The following CLUAP1 variants were observed in gnomAD, a reference collection of about 807,000 sequenced individuals.
CLUAP1 encodes intraflagellar transport 38.
Under a neutral mutation model 55.0 loss-of-function variants are expected in CLUAP1, and 50 were observed. That is an observed-to-expected ratio of 0.91 (90% CI 0.72 to 1.15). The LOEUF is 1.15. Among genes scored for constraint, CLUAP1 ranks in the 50% most tolerant of loss-of-function variants. The pLI is 0.00. For synonymous variants in CLUAP1, 195 were observed against 175.4 expected (o/e 1.11, Z -0.88); for missense variants, 530 against 507.6 (o/e 1.04, Z -0.42).
chr16:3,532,822 G>A lies in CLUAP1; in HGVS notation c.1073G>A (p.Gly358Asp). 2 of 1,614,130 alleles carry A rather than the reference G, an allele frequency of 1.2e-6. No homozygotes were observed. Among genetic ancestry groups the A allele is most frequent in the Non-Finnish European group, 1.7e-6 (2 of 1,180,022 alleles). ...AAACGCATTGTGGGCACGATGCAAG[G>A]TGGAGACTCCGATGACAATGTAAGT... ...PGKRIVGTMQ[G>D]GDSDDNEDSE... The change falls in exon 11 of 12, where the codon GGT becomes GAT. Residue 358 changes from glycine (G) to aspartate (D), a missense_variant. Transcript: ENST00000576634.
Position 3,536,456 on chromosome 16 carries a change from G to T in CLUAP1, c.*185G>T. The stretch of plus-strand genomic sequence containing the variant: ...ATTCCATGAAGCTTAAATAAGAATT[G>T]AAGCAAATCCCTAAGATTTATTTTT... On this transcript the variant is annotated 3_prime_UTR_variant, in exon 12 of 12. Transcript: ENST00000576634. 1 of 559,908 alleles carries T rather than the reference G, an allele frequency of 1.8e-6. No individual in the cohort carries two copies. Among genetic ancestry groups the T allele is most frequent in the Non-Finnish European group, 3.0e-6 (1 of 330,122 alleles). 34.7% of individuals were successfully genotyped at this position (559,908 alleles called of 1,614,324 possible). A position where few individuals can be genotyped will look rare whatever the true frequency, so the allele number is the denominator to read the frequency against.
intron 4 of CLUAP1, among the ~76,000 whole-genome samples, chr16:3,512,075 A>G (rs8046072): frequency 0.17 from 26,105 of 151,964 alleles, 2,499 homozygotes; most frequent in South Asian, 0.29. Flanking sequence ...AATCCCAGCC[A>G]CTTGGGAGGC....
chr16:3,511,097 C>T (rs1365669337), intron 4 of CLUAP1, among the ~76,000 whole-genome samples: 3 of 152,124 alleles, frequency 2.0e-5, no homozygotes, highest in African/African-American at 7.2e-5. Flanking sequence ...GGATGTGCTG[C>T]TCGGAAGGGA....
At chr16:3,500,496 A>T (rs551534817), upstream of CLUAP1, among the ~76,000 whole-genome samples, 608 of 150,932 alleles carry the variant, frequency 4.0e-3, 7 homozygotes, top group Middle Eastern at 0.038. Flanking sequence ...CAGCCTCCCG[A>T]GTAGCTGGGA....
intron 3 of CLUAP1, among the ~76,000 whole-genome samples, chr16:3,506,926 G>A (rs2037517613): frequency 6.6e-6 from 1 of 152,074 alleles, no homozygotes; most frequent in South Asian, 2.1e-4. Context: ...GCCAGGTGTG[G>A]TGGCTCACGC....
At chr16:3,533,197 C>T (rs954318050) in intron 11 of CLUAP1, 11 of 1,506,734 alleles carry the variant, frequency 7.3e-6, no homozygotes, top group African/African-American at 2.8e-5. Context: ...GGGTGTCTGT[C>T]AGCCCTCCCG....
intron 8 of CLUAP1, 84 bp from the exon 9 acceptor site, chr16:3,526,328 A>C (rs2037941643): frequency 1.2e-6 from 1 of 810,556 alleles, no homozygotes; most frequent in East Asian, 3.2e-5. Context: ...GCACAAACTT[A>C]GCAGTCCTTA....
At chr16:3,516,685 A>G (rs1596392240) in intron 6 of CLUAP1, among the ~76,000 whole-genome samples, 1 of 152,214 alleles carries the variant, frequency 6.6e-6, no homozygotes, top group African/African-American at 2.4e-5. Context: ...CATTTAAGGA[A>G]TTACGTATAT....
chr16:3,520,310 T>C (rs2151057589), intron 7 of CLUAP1, among the ~76,000 whole-genome samples: 1 of 152,108 alleles, frequency 6.6e-6, no homozygotes, highest in Non-Finnish European at 1.5e-5. Context: ...AGGTTGAGGC[T>C]GCAGTGAGCT....
chr16:3,538,820 T>C lies in CLUAP1; in HGVS notation c.*2549T>C, dbSNP rs1014099109. On this transcript the variant is annotated 3_prime_UTR_variant, in exon 12 of 12. Coordinates refer to ENST00000576634, the MANE Select transcript of CLUAP1 (RefSeq NM_015041.3). ...CAGTCAATAGTGACCCATTGTAGAA[T>C]GGATGCAGGATTCACATGTGCAAGT... is the stretch of plus-strand genomic sequence containing the variant. 2 of 152,218 alleles carry C rather than the reference T, an allele frequency of 1.3e-5. No individual in the cohort carries two copies. The highest frequency in any genetic ancestry group is 1.3e-4 in the Admixed American group (2 of 15,282). The allele number at this position is 152,218 out of a possible 1,614,324, so 9.4% of individuals were successfully genotyped here.
At chr16:3,508,204 C>T in intron 3 of CLUAP1, 85 bp from the exon 4 acceptor site, 3 of 1,189,122 alleles carry the variant, frequency 2.5e-6, no homozygotes, top group Non-Finnish European at 3.6e-6. Flanking sequence ...TCAGCAGAGG[C>T]ATTTTCAACT....
At chr16:3,521,088 C>T (rs1271607509) in intron 7 of CLUAP1, among the ~76,000 whole-genome samples, 1 of 152,024 alleles carries the variant, frequency 6.6e-6, no homozygotes, top group East Asian at 1.9e-4. Context: ...CAGGGAGCGC[C>T]CTGGCTCCTC....
intron 1 of CLUAP1, among the ~76,000 whole-genome samples, chr16:3,503,435 T>C (rs987105280): frequency 2.0e-5 from 3 of 152,226 alleles, no homozygotes; most frequent in Non-Finnish European, 4.4e-5. Context: ...AGTGCTGGGA[T>C]TACAGGCGTG....
intron 7 of CLUAP1, among the ~76,000 whole-genome samples, chr16:3,522,225 G>T (rs948854515): frequency 2.0e-5 from 3 of 151,772 alleles, no homozygotes; most frequent in Non-Finnish European, 4.4e-5. Flanking sequence ...GTGCAGTGGC[G>T]CAATCTCGGC....
intron 4 of CLUAP1, among the ~76,000 whole-genome samples, chr16:3,512,093 G>A (rs539835143): frequency 6.6e-6 from 1 of 151,982 alleles, no homozygotes; most frequent in Non-Finnish European, 1.5e-5. Context: ...GGCTGAGGCA[G>A]GAAAATTACT....
upstream of CLUAP1, among the ~76,000 whole-genome samples, chr16:3,497,790 A>T (rs563159501): frequency 6.6e-6 from 1 of 152,112 alleles, no homozygotes; most frequent in East Asian, 1.9e-4. Context: ...GGCCTGGCTA[A>T]TTTTTTAATT....
chr16:3,523,155 T>C lies in CLUAP1; in HGVS notation c.714-3T>C. On this transcript the variant is annotated splice_region_variant and splice_polypyrimidine_tract_variant and intron_variant, in intron 7 of 11. Transcript: ENST00000576634. ...TCCTTTTTATTTCATTTGCTTCTTT[T>C]AGGCCATGTTTTATGGATGAGTATG... 2 of 1,607,372 alleles carry C rather than the reference T, an allele frequency of 1.2e-6. No homozygotes were observed. Among genetic ancestry groups the C allele is most frequent in the Non-Finnish European group, 1.7e-6 (2 of 1,177,818 alleles).
At chr16:3,506,130 T>C (rs1272028687) in intron 2 of CLUAP1, among the ~76,000 whole-genome samples, 2 of 152,244 alleles carry the variant, frequency 1.3e-5, no homozygotes, top group Non-Finnish European at 2.9e-5. Flanking sequence ...ATTTAGTTTT[T>C]GAAATCTGTT....
chr16:3,504,466 A>G lies in CLUAP1; in HGVS notation c.23-254A>G, dbSNP rs146020392. On this transcript the variant is annotated intron_variant, in intron 1 of 11. Transcript: ENST00000576634. ...TACTAAAGAGAGAAATGAAATTCAC[A>G]GCTAATCCCTCAATTCCATTTTCAT... 8.5e-3 allele frequency among the ~76,000 whole-genome samples: 1,297 copies of G among 152,370 alleles called. 21 individuals carry two copies. The highest frequency in any genetic ancestry group is 0.03 in the African/African-American group (1,238 of 41,584).
Sources: gnomAD v4.1 joint callset for allele counts (sites outside exome capture counted in the v4.1 genomes callset) on GRCh38, gnomAD v4.1.1 for gene constraint, MANE v1.5 for transcripts, NCBI Gene and HGNC (gene_info 2026-07-23, HGNC 2026-07-21) for gene names.